The following LALBA variants were observed in gnomAD, a reference collection of about 807,000 sequenced individuals.
LALBA encodes the protein alpha-lactalbumin.
A neutral mutation model predicts 13.4 loss-of-function variants in LALBA; 12 were observed. The ratio of observed to expected loss-of-function variants is 0.89; its 90% CI spans 0.57 to 1.45. LALBA has a LOEUF of 1.45. LALBA is among the 40% of genes most tolerant of loss of function. LALBA has a pLI of 0.00. For synonymous variants in LALBA, 64 were observed against 61.0 expected (o/e 1.05, Z -0.23); for missense variants, 145 against 165.9 (o/e 0.87, Z 0.69).
chr12:48,569,867 A>G (rs1938612176), intron 1 of LALBA, 21 bp downstream of exon 1: 3 of 1,613,032 alleles, frequency 1.9e-6, no homozygotes, highest in Non-Finnish European at 2.5e-6. Flanking sequence ...AATGGATGAA[A>G]CACAGAGGCA....
rs1248067905 is a variant in LALBA at position 48,569,897 on chromosome 12, A to G, written c.124T>C (p.Leu42=). The G allele has an allele frequency of 6.2e-7, 1 of 1,614,006 alleles. No homozygotes were observed. The highest frequency in any genetic ancestry group is 2.2e-5 in the East Asian group (1 of 44,876). Residue 42 remains leucine (L), a synonymous_variant, in exon 1 of 4, where the codon TTG becomes CTG. Coordinates refer to ENST00000301046, the MANE Select transcript of LALBA (RefSeq NM_002289.3). The part of the protein sequence containing the change: ...KDIDGYGGIA[L]PELICTMFHT... ...GAGGCAGGGAACTCACATTCAGGCA[A>G]AGCGATGCCTCCATAACCATCTATG... is the stretch of plus-strand genomic sequence containing the variant.
rs781604913 is a variant in LALBA at position 48,567,929 on chromosome 12, G to A, written c.*28C>T. On this transcript the variant is annotated 3_prime_UTR_variant, in exon 4 of 4. Transcript: ENST00000301046. ...AAGAGGTATTCCAGGAGTGTGGAGT[G>A]GGCAGGGGTGCCAAGGACAGCAGAC... The A allele has an allele frequency of 6.3e-7, 1 of 1,581,374 alleles. No individual in the cohort carries two copies. Among genetic ancestry groups the A allele is most frequent in the Non-Finnish European group, 8.6e-7 (1 of 1,157,298 alleles).
intron 1 of LALBA, 45 bp downstream of exon 1, chr12:48,569,843 A>G (rs1416503246): frequency 6.3e-7 from 1 of 1,597,000 alleles, no homozygotes; most frequent in Admixed American, 1.7e-5. Flanking sequence ...GATGGAGGAG[A>G]GAAGCGTATG....
At chr12:48,571,789 A>G (rs951510302), upstream of LALBA, among the ~76,000 whole-genome samples, 3 of 152,158 alleles carry the variant, frequency 2.0e-5, no homozygotes, top group Admixed American at 6.5e-5. Context: ...AGAGTCAGGG[A>G]AAAGTCCTCT....
chr12:48,568,798 T>C (rs1269167643), intron 2 of LALBA, among the ~76,000 whole-genome samples: 1 of 152,208 alleles, frequency 6.6e-6, no homozygotes, highest in African/African-American at 2.4e-5. Flanking sequence ...GGAGGAATCA[T>C]CAGCTTCATC....
chr12:48,568,703 G>A, intron 2 of LALBA, 111 bp from the exon 3 acceptor site: 1 of 672,494 alleles, frequency 1.5e-6, no homozygotes, highest in Non-Finnish European at 2.6e-6. Context: ...CAAGGCTTGT[G>A]CCTGTTGTCT....
chr12:48,568,099 G>T, intron 3 of LALBA, 82 bp from the exon 4 acceptor site: 4 of 1,084,286 alleles, frequency 3.7e-6, no homozygotes, highest in Non-Finnish European at 5.6e-6. Flanking sequence ...GTGGAAGAGC[G>T]TGGACGAGAA....
At chr12:48,571,386 C>CTCTTTTT (rs1555148010), upstream of LALBA, among the ~76,000 whole-genome samples, 3 of 98,056 alleles carry the variant, frequency 3.1e-5, no homozygotes, top group African/African-American at 1.2e-4. Context: ...CTTCTTCTTC[C>CTCTTTTT]TTTTTTTTTT....
upstream of LALBA, among the ~76,000 whole-genome samples, chr12:48,571,110 C>A (rs180922494): frequency 2.0e-4 from 31 of 152,028 alleles, no homozygotes; most frequent in African/African-American, 7.0e-4. Context: ...AATCTAAGAC[C>A]AATAACTTGT....
At position 48,568,518 on chromosome 12, in the gene LALBA, A is replaced by C; in HGVS notation, c.367T>G (p.Trp123Gly). ...ATAGAAAATAGAATAAGGATTCACC[A>C]GTAGTCAATTCCTTTAATATCCAGG... ...KILDIKGIDY[W>G]LAHKALCTEK... is the part of the protein sequence containing the mutation. Residue 123 changes from tryptophan to glycine, a missense_variant and splice_region_variant, in exon 3 of 4, where the codon TGG (tryptophan) becomes GGG (glycine). Coordinates refer to ENST00000301046, the MANE Select transcript of LALBA (RefSeq NM_002289.3). The C allele has an allele frequency of 6.6e-7, 1 of 1,523,356 alleles. No homozygotes were observed. The highest frequency in any genetic ancestry group is 9.1e-7 in the Non-Finnish European group (1 of 1,098,104). The allele number at this position is 1,523,356 out of a possible 1,614,324, so 94.4% of individuals were successfully genotyped here.
chr12:48,569,290 TAAAGGAG>T, intron 1 of LALBA, 50 bp from the exon 2 acceptor site: 1 of 1,474,458 alleles, frequency 6.8e-7, no homozygotes, highest in Non-Finnish European at 9.3e-7. Context: ...AGGATCTGCA[TAAAGGAG>T]GAACTGTAAT....
At chr12:48,568,462 C>T in intron 3 of LALBA, 55 bp downstream of exon 3, 2 of 987,784 alleles carry the variant, frequency 2.0e-6, no homozygotes, top group African/African-American at 1.6e-5. Flanking sequence ...GGGTGCTGGG[C>T]TAATGGGGTA....
rs945311841 is a variant in LALBA at position 48,567,909 on chromosome 12, G to A, written c.*48C>T. The A allele has an allele frequency of 1.4e-6, 2 of 1,446,084 alleles. No individual in the cohort carries two copies. The highest frequency in any genetic ancestry group is 1.8e-5 in the Admixed American group (1 of 54,342). 89.6% of individuals were successfully genotyped at this position (1,446,084 alleles called of 1,614,324 possible). ...AAACTGAGGTGGCATTAGGGAAGAGGTATTCCAGGAGTGTGGAGTGGGCAG... is the reference window on the plus strand; with the variant it reads ...AAACTGAGGTGGCATTAGGGAAGAGATATTCCAGGAGTGTGGAGTGGGCAG... On this transcript the variant is annotated 3_prime_UTR_variant, in exon 4 of 4. Coordinates refer to ENST00000301046, the MANE Select transcript of LALBA (RefSeq NM_002289.3).
upstream of LALBA, among the ~76,000 whole-genome samples, chr12:48,571,191 G>A (rs1440015861): frequency 6.6e-6 from 1 of 151,990 alleles, no homozygotes; most frequent in Non-Finnish European, 1.5e-5. Flanking sequence ...CTTTAAGGCT[G>A]AACAAGCTTA....
At chr12:48,568,119 G>T in intron 3 of LALBA, 102 bp from the exon 4 acceptor site, 1 of 888,024 alleles carries the variant, frequency 1.1e-6, no homozygotes, top group Non-Finnish European at 1.8e-6. Flanking sequence ...ATTACAGAAA[G>T]ACATTCCTGG....
chr12:48,570,032 C>G lies in LALBA; in HGVS notation c.-12G>C. ...ACAAAGAACCTCATTTTGGCTACCC[C>G]CAAGAACCTGAAATGGAAGCATCAC... On this transcript the variant is annotated 5_prime_UTR_variant, in exon 1 of 4. Coordinates refer to ENST00000301046, the MANE Select transcript of LALBA (RefSeq NM_002289.3). The G allele has an allele frequency of 1.9e-6, 3 of 1,613,576 alleles. No homozygotes were observed. The highest frequency in any genetic ancestry group is 2.5e-6 in the Non-Finnish European group (3 of 1,179,834).
chr12:48,568,600 G>C lies in LALBA; in HGVS notation c.293-8C>G. The C allele has an allele frequency of 6.4e-7, 1 of 1,558,726 alleles. No homozygotes were observed. Among genetic ancestry groups the C allele is most frequent in the Non-Finnish European group, 8.8e-7 (1 of 1,134,870 alleles). On this transcript the variant is annotated splice_polypyrimidine_tract_variant and splice_region_variant and intron_variant, in intron 2 of 3. Transcript: ENST00000301046. ...TGTCATCATCCAGGAACTCTGGCAGGAGTTACAGGGAAAGGATTGAGACAG... is the reference window on the plus strand; with the variant it reads ...TGTCATCATCCAGGAACTCTGGCAGCAGTTACAGGGAAAGGATTGAGACAG...
rs199818434 is a variant in LALBA, at chr12:48,568,538, T to C, written c.347A>G (p.Asp116Gly). ...TCACCAGTAGTCAATTCCTTTAATATCCAGGATCTTCTTGGCACACATTAT... is the reference window on the plus strand; with the variant it reads ...TCACCAGTAGTCAATTCCTTTAATACCCAGGATCTTCTTGGCACACATTAT... Reference protein sequence around the residue: ...DDIMCAKKILDIKGIDYWLAH... With the variant: ...DDIMCAKKILGIKGIDYWLAH... Residue 116 changes from aspartate (D) to glycine (G), a missense_variant, in exon 3 of 4, where the codon GAT (aspartate) becomes GGT (glycine). Transcript: ENST00000301046. 9 of 1,590,266 alleles carry C rather than the reference T, an allele frequency of 5.7e-6. No homozygotes were observed. The East Asian group carries it at 1.8e-4, about 32-fold the overall frequency.
At chr12:48,571,360 C>T (rs1264318180), upstream of LALBA, among the ~76,000 whole-genome samples, 5 of 144,800 alleles carry the variant, frequency 3.5e-5, no homozygotes, top group Non-Finnish European at 6.0e-5. Context: ...GTCCTCATCT[C>T]TAAACCTGAT....
Sources: allele counts gnomAD v4.1 joint callset (sites outside exome capture counted in the v4.1 genomes callset), GRCh38; gene constraint gnomAD v4.1.1; transcripts MANE v1.5; gene names NCBI Gene and HGNC (gene_info 2026-07-23, HGNC 2026-07-21).